NTM: variants seen among roughly 807,000 people sequenced by gnomAD.
NTM encodes the protein IgLON family member 2.
Under a neutral mutation model 42.1 loss-of-function variants are expected in NTM, and 13 were observed. That is an observed-to-expected ratio of 0.31 (90% CI 0.20 to 0.49). The LOEUF (loss-of-function observed/expected upper bound fraction) is 0.49. NTM is among the 20% of genes least tolerant of loss of function. The pLI is 0.99. For missense variants in NTM, 373 were observed against 452.8 expected, an observed-to-expected ratio of 0.82 and a Z score of 1.60; for synonymous variants, 187 against 179.2, an observed-to-expected ratio of 1.04 and a Z score of -0.35.
chr11:131,464,398 T>A (rs1177255247), intron 1 of NTM, among the ~76,000 whole-genome samples: 4 of 151,872 alleles, frequency 2.6e-5, no homozygotes, highest in African/African-American at 9.7e-5. Flanking sequence ...GGCCCCGTCA[T>A]ACATTCATGA....
intron 1 of NTM, among the ~76,000 whole-genome samples, chr11:131,730,337 T>C (rs779090680): frequency 2.0e-5 from 3 of 152,170 alleles, no homozygotes; most frequent in African/African-American, 4.8e-5. Flanking sequence ...GACACATATG[T>C]GGAGCAGATA....
chr11:131,632,673 C>CTTTTTTTTTTTTTTTTT (rs529612626), intron 1 of NTM, among the ~76,000 whole-genome samples: 1 of 83,060 alleles, frequency 1.2e-5, no homozygotes, highest in Non-Finnish European at 2.1e-5. Flanking sequence ...GCTCGGGCAG[C>CTTTTTTTTTTTTTTTTT]TTTTTTTTTT....
chr11:131,659,614 G>T (rs2067688768), intron 1 of NTM, among the ~76,000 whole-genome samples: 1 of 152,214 alleles, frequency 6.6e-6, no homozygotes, highest in Admixed American at 6.5e-5. Context: ...TATATAGCAA[G>T]AAACATTTCT....
chr11:132,106,502 C>T (rs557706821), intron 2 of NTM, among the ~76,000 whole-genome samples: 35 of 152,304 alleles, frequency 2.3e-4, no homozygotes, highest in African/African-American at 7.9e-4. Context: ...GGAGAAGCCA[C>T]GTGACCACGC....
Position 131,691,558 on chromosome 11 carries a change from G to GCGC in NTM, c.83-220005_83-220004insGCC, listed in dbSNP as rs1555086532. 8.8e-3 allele frequency among the ~76,000 whole-genome samples: 1,259 copies of GCGC among 143,146 alleles called. 23 individuals carry two copies. The highest frequency in any genetic ancestry group is 0.035 in the African/African-American group (1,201 of 34,132). 93.9% of individuals were successfully genotyped at this position (143,146 alleles called of 152,430 possible). A position where few individuals can be genotyped will look rare whatever the true frequency, so the allele number is the denominator to read the frequency against. On this transcript the variant is annotated intron_variant, in intron 1 of 8. Transcript: ENST00000683400. ...CTCCATCCCCTTGTCTTCCCTGAAA[G>GCGC]CCCCCCCCCGACTTCCCTTCCATGT...
At chr11:132,041,450 T>C (rs1468868255) in intron 2 of NTM, among the ~76,000 whole-genome samples, 2 of 112,264 alleles carry the variant, frequency 1.8e-5, no homozygotes, top group Admixed American at 1.0e-4. Flanking sequence ...GTTCATCAGA[T>C]TCCCTCACAT....
intron 1 of NTM, among the ~76,000 whole-genome samples, chr11:131,814,215 A>T (rs2092855325): frequency 6.6e-6 from 1 of 152,150 alleles, no homozygotes; most frequent in African/African-American, 2.4e-5. Context: ...TCTGCTGGCC[A>T]CTTTGGGTTT....
At chr11:132,161,477 A>G (rs775790968) in intron 3 of NTM, among the ~76,000 whole-genome samples, 1 of 129,670 alleles carries the variant, frequency 7.7e-6, no homozygotes, top group Non-Finnish European at 1.6e-5. Flanking sequence ...ATGGTGTCCT[A>G]TTTCACTCTC....
At chr11:131,916,787 C>A (rs1054743006) in intron 2 of NTM, among the ~76,000 whole-genome samples, 2 of 152,202 alleles carry the variant, frequency 1.3e-5, no homozygotes, top group Admixed American at 1.3e-4. Flanking sequence ...CCAATAAAAT[C>A]CGAAGGACTC....
intron 4 of NTM, among the ~76,000 whole-genome samples, chr11:132,265,104 A>T (rs1029673770): frequency 6.6e-6 from 1 of 152,196 alleles, no homozygotes; most frequent in African/African-American, 2.4e-5. Context: ...CCAGCTATGG[A>T]GACTTGGAGC....
Position 131,789,016 on chromosome 11 carries a change from C to T in NTM, c.83-122548C>T, listed in dbSNP as rs541574999. 5.3e-5 allele frequency among the ~76,000 whole-genome samples: 8 copies of T among 152,156 alleles called. No homozygotes were observed. In the South Asian group the frequency reaches 1.7e-3, roughly 32 times the overall value. ...TCTTGAGTGTTTCCTTCCAGGGGGC[C>T]GGGGTCTCTGCGTGGAGCACTCTCT... On this transcript the variant is annotated intron_variant, in intron 1 of 8. Transcript: ENST00000683400.
chr11:132,330,178 T>C lies in NTM; in HGVS notation c.960T>C (p.Pro320=). The C allele has an allele frequency of 6.4e-7, 1 of 1,551,702 alleles. No individual in the cohort carries two copies. The highest frequency in any genetic ancestry group is 8.7e-7 in the Non-Finnish European group (1 of 1,146,938). Residue 320 remains proline (P), a synonymous_variant, in exon 8 of 9, where the codon CCT becomes CCC. Transcript: ENST00000683400. ...AAGTGAAAACTACAGCCCTGACCCC[T>C]TGGAAAGGTTTGTATATTTTTCAGA... The part of the protein sequence containing the change: ...LFEVKTTALT[P]WKGPGAVSEV...
Position 132,141,821 on chromosome 11 carries a change from A to G in NTM, c.168-4461A>G, listed in dbSNP as rs189120953. ...TTCTTTTTGTCTGGATTCTTCCAGG[A>G]TGCTGAGTATGCTAGGCCATGGGCT... On this transcript the variant is annotated intron_variant, in intron 2 of 8. Coordinates refer to ENST00000683400, the MANE Select transcript of NTM (RefSeq NM_001352005.2). Among the ~76,000 whole-genome samples the G allele has an allele frequency of 1.6e-4, 25 of 152,320 alleles. No individual in the cohort carries two copies. The East Asian group carries it at 4.8e-3, about 29-fold the overall frequency.
At chr11:132,079,075 C>T (rs984839545) in intron 2 of NTM, among the ~76,000 whole-genome samples, 1 of 152,152 alleles carries the variant, frequency 6.6e-6, no homozygotes, top group African/African-American at 2.4e-5. Context: ...CCACGGAAGA[C>T]AAGCAATGTG....
At chr11:132,241,587 C>A (rs1380451997) in intron 4 of NTM, among the ~76,000 whole-genome samples, 1 of 152,212 alleles carries the variant, frequency 6.6e-6, no homozygotes, top group Non-Finnish European at 1.5e-5. Flanking sequence ...CTTTTGGTAA[C>A]TGGCTCTGTC....
intron 7 of NTM, among the ~76,000 whole-genome samples, chr11:132,326,799 C>G (rs368042387): frequency 6.6e-6 from 1 of 152,170 alleles, no homozygotes; most frequent in Non-Finnish European, 1.5e-5. Context: ...TTCATTCCCC[C>G]GCCTCCTTTG....
At chr11:131,972,347 CATGTATATATATAAATTATAT>C (rs1386633523) in intron 2 of NTM, among the ~76,000 whole-genome samples, 1 of 151,996 alleles carries the variant, frequency 6.6e-6, no homozygotes, top group African/African-American at 2.4e-5. Context: ...CATACACATA[CATGTATATATATAAATTATAT>C]ATGTATTTTC....
At chr11:132,301,986 A>G (rs1031359826) in intron 4 of NTM, among the ~76,000 whole-genome samples, 32 of 152,202 alleles carry the variant, frequency 2.1e-4, no homozygotes, top group African/African-American at 7.5e-4. Context: ...TTTCAGTTAT[A>G]AAGATTTTTA....
chr11:132,332,543 G>C (rs1022602500), intron 8 of NTM: 3 of 152,164 alleles, frequency 2.0e-5, no homozygotes, highest in Non-Finnish European at 4.4e-5. Context: ...GACACGACTC[G>C]TCTTTACAAG....
Sources: gnomAD v4.1 joint callset for allele counts (sites outside exome capture counted in the v4.1 genomes callset) on GRCh38, gnomAD v4.1.1 for gene constraint, MANE v1.5 for transcripts, NCBI Gene and HGNC (gene_info 2026-07-23, HGNC 2026-07-21) for gene names.